The following THNSL1 variants were observed in gnomAD, a reference collection of about 807,000 sequenced individuals.
The protein encoded by THNSL1 is threonine synthase like 1.
In THNSL1, 48 loss-of-function variants were observed where a neutral mutation model predicts 50.4. The observed-to-expected ratio is 0.95, with a 90% confidence interval of 0.76 to 1.21. The LOEUF (loss-of-function observed/expected upper bound fraction) is 1.21, where lower values mean the gene tolerates loss of function less well. Ranked by LOEUF, THNSL1 falls within the 50% of genes most tolerant of loss-of-function variation. THNSL1 has a pLI of 0.00. For synonymous variants in THNSL1, 309 were observed against 306.1 expected (o/e 1.01, Z -0.10); for missense variants, 896 against 871.7 (o/e 1.03, Z -0.35).
In THNSL1 at chr10:25,025,505, A is replaced by G. The variant is rs776717071; in HGVS notation, c.*50A>G. Reference sequence around the variant, plus strand: ...TCTAGCTATAAGCATGCAATAATAAATCTCAAACACTGATTTGGAGTACAG... The same window carrying G: ...TCTAGCTATAAGCATGCAATAATAAGTCTCAAACACTGATTTGGAGTACAG... On this transcript the variant is annotated 3_prime_UTR_variant, in exon 3 of 3. Coordinates refer to ENST00000376356, the MANE Select transcript of THNSL1 (RefSeq NM_024838.5). 16 of 1,508,512 alleles carry G rather than the reference A, an allele frequency of 1.1e-5. No homozygotes were observed. Among genetic ancestry groups the G allele is most frequent in the Non-Finnish European group, 1.3e-5 (15 of 1,117,024 alleles). 93.4% of individuals were successfully genotyped at this position (1,508,512 alleles called of 1,614,324 possible).
At chr10:25,016,921 GCTT>G (rs1295861129) in intron 1 of THNSL1, 2 of 152,484 alleles carry the variant, frequency 1.3e-5, no homozygotes, top group Non-Finnish European at 2.9e-5. Flanking sequence ...TTTTCCTGCT[GCTT>G]CTGGTCGAGG....
chr10:25,007,725 C>T, the THNSL1 span, among the ~76,000 whole-genome samples: 8 of 152,074 alleles, frequency 5.3e-5, no homozygotes, highest in African/African-American at 1.9e-4. Context: ...TGAGCGACTG[C>T]GCCCAGCCAC....
the THNSL1 span, among the ~76,000 whole-genome samples, chr10:24,979,479 G>T: frequency 1.3e-5 from 2 of 152,258 alleles, no homozygotes; most frequent in South Asian, 4.1e-4. Context: ...TAGGGAAAAG[G>T]TGCTCCTTTC....
At chr10:25,016,263 G>T (rs907596573), upstream of THNSL1, 1 of 861,500 alleles carries the variant, frequency 1.2e-6, no homozygotes, top group Non-Finnish European at 1.4e-6. Context: ...TGCTAGAGAA[G>T]CTCATTTGGA....
At chr10:24,974,977 A>T in the THNSL1 span, among the ~76,000 whole-genome samples, 1 of 152,202 alleles carries the variant, frequency 6.6e-6, no homozygotes, top group African/African-American at 2.4e-5. Flanking sequence ...CTTGCTAGTT[A>T]GTGCTGGACA....
the THNSL1 span, chr10:24,981,907 G>T: frequency 1.3e-5 from 2 of 152,138 alleles, no homozygotes; most frequent in African/African-American, 4.8e-5. Flanking sequence ...CAACTGGTTT[G>T]TTTAGCAGTC....
chr10:24,990,153 A>G, the THNSL1 span, among the ~76,000 whole-genome samples: 3 of 152,220 alleles, frequency 2.0e-5, no homozygotes, highest in Admixed American at 6.5e-5. Context: ...AATGAAAATA[A>G]AAATGCTTTA....
the THNSL1 span, among the ~76,000 whole-genome samples, chr10:24,965,060 C>CAAA: frequency 8.3e-6 from 1 of 120,518 alleles, no homozygotes; most frequent in African/African-American, 3.0e-5. Flanking sequence ...AATCCTATCT[C>CAAA]AAAAAAAAAA....
chr10:25,009,566 C>T, the THNSL1 span, among the ~76,000 whole-genome samples: 2 of 152,136 alleles, frequency 1.3e-5, no homozygotes, highest in Non-Finnish European at 2.9e-5. Flanking sequence ...AAAAGTATTG[C>T]TATCAGCCTA....
At chr10:24,965,141 A>G in the THNSL1 span, among the ~76,000 whole-genome samples, 3 of 151,972 alleles carry the variant, frequency 2.0e-5, no homozygotes, top group East Asian at 5.8e-4. Context: ...ACCTGGAATC[A>G]GGAATCCCAA....
At chr10:24,985,379 T>C in the THNSL1 span, among the ~76,000 whole-genome samples, 1 of 152,246 alleles carries the variant, frequency 6.6e-6, no homozygotes, top group Non-Finnish European at 1.5e-5. Flanking sequence ...TATTTTCTTA[T>C]ATCTAACAAA....
the THNSL1 span, among the ~76,000 whole-genome samples, chr10:24,956,389 T>C: frequency 6.6e-6 from 1 of 152,130 alleles, no homozygotes; most frequent in Non-Finnish European, 1.5e-5. Context: ...GCAAAGTTAA[T>C]AACCAGTCAA....
Position 25,023,626 on chromosome 10 carries a change from A to C in THNSL1, c.403A>C (p.Asn135His). The C allele has an allele frequency of 6.2e-7, 1 of 1,614,218 alleles. No homozygotes were observed. The highest frequency in any genetic ancestry group is 1.1e-5 in the South Asian group (1 of 91,088). The change falls in exon 3 of 3, where the codon AAT becomes CAT. Residue 135 changes from asparagine to histidine, a missense_variant. By Grantham distance (68) the Asn-to-His change is moderately conservative. Transcript: ENST00000376356. ...AAGTGTGATTTCCCTTACTGGGTCC[A>C]ATCCAATGCATGATGCTAGCATGTG... ...SGSVISLTGS[N>H]PMHDASMWHL...
the THNSL1 span, among the ~76,000 whole-genome samples, chr10:25,001,478 C>T: frequency 6.6e-6 from 1 of 152,008 alleles, no homozygotes; most frequent in Admixed American, 6.6e-5. Flanking sequence ...TCTGTTTCCT[C>T]ATCCGTTTTC....
the THNSL1 span, chr10:24,953,371 C>T: frequency 4.6e-5 from 7 of 152,482 alleles, no homozygotes; most frequent in African/African-American, 1.7e-4. Context: ...GCCTTTCGGC[C>T]TTTCGTCAAC....
At chr10:24,969,072 T>C in the THNSL1 span, among the ~76,000 whole-genome samples, 165 of 152,312 alleles carry the variant, frequency 1.1e-3, 1 homozygote, top group African/African-American at 3.7e-3. Context: ...TCTTGTATTT[T>C]TAGTAAAGAC....
the THNSL1 span, among the ~76,000 whole-genome samples, chr10:24,977,169 G>A: frequency 6.6e-6 from 1 of 152,166 alleles, no homozygotes; most frequent in Admixed American, 6.5e-5. Flanking sequence ...TTTATGACAA[G>A]TCTTCTGATC....
chr10:24,994,214 T>C, the THNSL1 span, among the ~76,000 whole-genome samples: 1 of 152,146 alleles, frequency 6.6e-6, no homozygotes, highest in Non-Finnish European at 1.5e-5. Context: ...CTTTTCTTTT[T>C]TTCTTTATCT....
At chr10:24,959,387 G>A in the THNSL1 span, among the ~76,000 whole-genome samples, 1 of 152,226 alleles carries the variant, frequency 6.6e-6, no homozygotes, top group Non-Finnish European at 1.5e-5. Flanking sequence ...AAGGTGAGAG[G>A]AGCTTGGGAA....
Sources: allele counts gnomAD v4.1 joint callset (sites outside exome capture counted in the v4.1 genomes callset), GRCh38; gene constraint gnomAD v4.1.1; transcripts MANE v1.5; gene names NCBI Gene and HGNC (gene_info 2026-07-23, HGNC 2026-07-21).